Variants in MTREX observed in about 807,000 individuals in gnomAD.
The protein encoded by MTREX is exosome RNA helicase MTR4.
A neutral mutation model predicts 135.4 loss-of-function variants in MTREX; 76 were observed. The observed-to-expected ratio is 0.56, with a 90% CI of 0.47 to 0.68. The LOEUF (loss-of-function observed/expected upper bound fraction) is 0.68. Ranked by LOEUF, MTREX falls within the 30% of genes least tolerant of loss-of-function variation. The probability of loss-of-function intolerance (pLI) is 0.00; values close to 1 mark genes in which losing one functional copy is unlikely to be tolerated. For missense variants in MTREX, 920 were observed against 1,262.1 expected, an observed-to-expected ratio of 0.73 and a Z score of 4.11; for synonymous variants, 404 against 401.6, an observed-to-expected ratio of 1.01 and a Z score of -0.07.
intron 16 of MTREX, among the ~76,000 whole-genome samples, chr5:55,377,126 G>A (rs959571966): frequency 3.3e-5 from 5 of 151,770 alleles, no homozygotes; most frequent in African/African-American, 1.2e-4. Context: ...TCAGGAGATC[G>A]AGACCATCCT....
intron 6 of MTREX, among the ~76,000 whole-genome samples, chr5:55,340,833 A>G (rs1350620314): frequency 6.6e-6 from 1 of 152,094 alleles, no homozygotes; most frequent in Non-Finnish European, 1.5e-5. Context: ...TGCCTGCCTC[A>G]GCCTCCCAAA....
Position 55,327,793 on chromosome 5 carries a change from T to A in MTREX, c.402+15T>A. ...AAGCTGCTAAGGTCTGTACTTTGGG[T>A]AATACAGTTTATATAGTTTCGTGAG... is the stretch of plus-strand genomic sequence containing the variant. On this transcript the variant is annotated intron_variant, in intron 4 of 26. Coordinates refer to ENST00000230640, the MANE Select transcript of MTREX (RefSeq NM_015360.5). 1 of 1,580,600 alleles carries A rather than the reference T, an allele frequency of 6.3e-7. No individual in the cohort carries two copies. The highest frequency in any genetic ancestry group is 8.7e-7 in the Non-Finnish European group (1 of 1,151,504).
chr5:55,336,410 G>A (rs1177622877), intron 5 of MTREX, among the ~76,000 whole-genome samples: 1 of 152,094 alleles, frequency 6.6e-6, no homozygotes, highest in Non-Finnish European at 1.5e-5. Flanking sequence ...GGGAATAAAT[G>A]AAAATAAACA....
intron 2 of MTREX, among the ~76,000 whole-genome samples, chr5:55,322,764 A>G (rs1387103986): frequency 6.6e-6 from 1 of 152,228 alleles, no homozygotes; most frequent in Admixed American, 6.5e-5. Context: ...GAGGAGGATA[A>G]CTGGAAGAGT....
At chr5:55,412,166 T>C (rs1233975903) in intron 23 of MTREX, among the ~76,000 whole-genome samples, 2 of 152,156 alleles carry the variant, frequency 1.3e-5, no homozygotes, top group East Asian at 3.8e-4. Context: ...GATGGAAGAT[T>C]GTACTGATTG....
At chr5:55,405,735 A>T in intron 22 of MTREX, 147 bp downstream of exon 22, 3 of 537,586 alleles carry the variant, frequency 5.6e-6, no homozygotes, top group Non-Finnish European at 9.7e-6. Context: ...TCCGCCTCGC[A>T]GTTTTAAGTG....
chr5:55,320,517 T>TAA (rs1237627146), intron 1 of MTREX, among the ~76,000 whole-genome samples: 4 of 152,168 alleles, frequency 2.6e-5, no homozygotes, highest in Non-Finnish European at 5.9e-5. Context: ...CTGCCCAGCC[T>TAA]AAAAATTGTT....
intron 19 of MTREX, among the ~76,000 whole-genome samples, chr5:55,396,453 A>G (rs1041221828): frequency 6.6e-6 from 1 of 152,208 alleles, no homozygotes. Context: ...GATGTCTGCA[A>G]GTTAATTTCA....
At chr5:55,342,919 C>T (rs1183685409) in intron 7 of MTREX, among the ~76,000 whole-genome samples, 2 of 152,162 alleles carry the variant, frequency 1.3e-5, no homozygotes, top group Non-Finnish European at 2.9e-5. Flanking sequence ...CAGAGGATCA[C>T]AAGGATAATT....
chr5:55,412,557 T>A (rs1221483312), intron 23 of MTREX, among the ~76,000 whole-genome samples: 4 of 152,104 alleles, frequency 2.6e-5, no homozygotes, highest in Admixed American at 2.6e-4. Flanking sequence ...TGGAGAAAAG[T>A]GAGAAGAATC....
intron 3 of MTREX, among the ~76,000 whole-genome samples, chr5:55,326,332 G>A (rs1049033570): frequency 3.3e-5 from 5 of 152,118 alleles, no homozygotes; most frequent in Non-Finnish European, 7.4e-5. Flanking sequence ...CCAGGGAGGT[G>A]GAGGTTGCAG....
intron 5 of MTREX, among the ~76,000 whole-genome samples, chr5:55,334,153 G>T (rs1312521129): frequency 6.6e-6 from 1 of 152,054 alleles, no homozygotes; most frequent in South Asian, 2.1e-4. Flanking sequence ...TATTGGTGAG[G>T]GACAGGGACT....
intron 15 of MTREX, among the ~76,000 whole-genome samples, chr5:55,362,850 T>C (rs1391809072): frequency 1.3e-5 from 2 of 152,220 alleles, no homozygotes; most frequent in East Asian, 3.8e-4. Flanking sequence ...TTTTCCAGTA[T>C]AACTAGAAGA....
rs187366715 is a variant in MTREX, at chr5:55,323,301, G to A, written c.273-831G>A. Among the ~76,000 whole-genome samples, 264 of 152,252 alleles carry A rather than the reference G, an allele frequency of 1.7e-3. 6 individuals carry two copies. The highest frequency in any genetic ancestry group is 0.015 in the Admixed American group (226 of 15,282). ...TTATTGACTTAAATCTCAGAAGTAC[G>A]ATAAGTAAGATAATAATCTAGCACA... On this transcript the variant is annotated intron_variant, in intron 2 of 26. Transcript: ENST00000230640.
At chr5:55,346,093 T>C (rs979825451) in intron 10 of MTREX, among the ~76,000 whole-genome samples, 1 of 152,230 alleles carries the variant, frequency 6.6e-6, no homozygotes, top group Non-Finnish European at 1.5e-5. Context: ...TTCTGGTTTT[T>C]GACTGTTAGG....
chr5:55,310,286 A>G (rs1749089704), intron 1 of MTREX, among the ~76,000 whole-genome samples: 1 of 152,194 alleles, frequency 6.6e-6, no homozygotes, highest in Non-Finnish European at 1.5e-5. Flanking sequence ...TACTACCAAC[A>G]CTTCTAGCAA....
chr5:55,334,577 A>G (rs143781731), intron 5 of MTREX, among the ~76,000 whole-genome samples: 5 of 152,240 alleles, frequency 3.3e-5, no homozygotes, highest in Admixed American at 1.3e-4. Context: ...TTTTAAGTCT[A>G]TGTGAATAGC....
intron 19 of MTREX, among the ~76,000 whole-genome samples, chr5:55,395,084 C>A (rs777621881): frequency 6.7e-6 from 1 of 150,180 alleles, no homozygotes; most frequent in South Asian, 2.1e-4. Context: ...ATAAAATAAT[C>A]CATGCATCCA....
chr5:55,351,573 A>G (rs1378908399), intron 13 of MTREX, among the ~76,000 whole-genome samples: 1 of 152,206 alleles, frequency 6.6e-6, no homozygotes, highest in Non-Finnish European at 1.5e-5. Flanking sequence ...ACACTATTGG[A>G]TACCACAGAA....
Sources: gnomAD v4.1 joint callset for allele counts (sites outside exome capture counted in the v4.1 genomes callset) on GRCh38, gnomAD v4.1.1 for gene constraint, MANE v1.5 for transcripts, NCBI Gene and HGNC (gene_info 2026-07-23, HGNC 2026-07-21) for gene names.